Variants in JAK1 observed in about 807,000 individuals in gnomAD.
JAK1 encodes the protein tyrosine-protein kinase JAK1.
In JAK1, 16 loss-of-function variants were observed where a neutral mutation model predicts 136.6. The ratio of observed to expected loss-of-function variants is 0.12; its 90% confidence interval spans 0.08 to 0.18. The LOEUF (loss-of-function observed/expected upper bound fraction) is 0.18, where lower values mean the gene tolerates loss of function less well. JAK1 is among the 10% of genes least tolerant of loss of function. JAK1 has a pLI of 1.00. For synonymous variants in JAK1, 492 were observed against 519.5 expected (o/e 0.95, Z 0.72); for missense variants, 859 against 1,450.1 (o/e 0.59, Z 6.62).
At chr1:65,029,541 T>C (rs1647005493) in intron 2 of JAK1, among the ~76,000 whole-genome samples, 1 of 152,214 alleles carries the variant, frequency 6.6e-6, no homozygotes, top group Non-Finnish European at 1.5e-5. Context: ...CTACTCGCCA[T>C]AGCAAATACT....
chr1:64,886,468 G>A, intron 1 of JAK1, 127 bp from the exon 2 acceptor site: 3 of 516,194 alleles, frequency 5.8e-6, no homozygotes, highest in South Asian at 3.7e-5. Context: ...GAGGAAGAAG[G>A]AAAAAAACAA....
intron 1 of JAK1, among the ~76,000 whole-genome samples, chr1:65,049,778 C>T (rs529053327): frequency 5.7e-4 from 87 of 152,266 alleles, no homozygotes; most frequent in African/African-American, 2.0e-3. Flanking sequence ...AATGTAGTGT[C>T]GCTCCCTGTC....
At chr1:64,838,183 T>C (rs749833534) in intron 21 of JAK1, 79 bp from the exon 22 acceptor site, 19 of 1,378,086 alleles carry the variant, frequency 1.4e-5, no homozygotes, top group Middle Eastern at 1.8e-4. Flanking sequence ...TCAGAAAAAA[T>C]AGAAATGTCA....
In JAK1 at chr1:64,841,511, G is replaced by A. The variant is rs760807400; in HGVS notation, c.2494C>T (p.Pro832Ser). The change falls in exon 18 of 25, where the codon CCC (proline) becomes TCC (serine). Residue 832 changes from proline to serine, a missense_variant. Around this residue, in one of 4 missense-constraint regions of JAK1, gnomAD observed 409 missense variants for 753.8 expected, o/e 0.54. Transcript: ENST00000342505. Reference sequence around the variant, plus strand: ...GCTCGGAAGAAAGGCCTCTGATTGGGGTCATAGTTCATGCAGCGGGTCATG... The same window carrying A: ...GCTCGGAAGAAAGGCCTCTGATTGGAGTCATAGTTCATGCAGCGGGTCATG... The part of the protein sequence containing the change: ...DLMTRCMNYD[P>S]NQRPFFRAIM... The A allele has an allele frequency of 6.8e-6, 11 of 1,614,110 alleles. No homozygotes were observed. In the South Asian group the frequency reaches 9.9e-5, roughly 14 times the overall value.
At chr1:64,952,878 A>C (rs543040974) in intron 1 of JAK1, among the ~76,000 whole-genome samples, 1 of 152,376 alleles carries the variant, frequency 6.6e-6, no homozygotes, top group South Asian at 2.1e-4. Flanking sequence ...TCACAATCCC[A>C]TAAGGTAGGA....
intron 1 of JAK1, among the ~76,000 whole-genome samples, chr1:64,899,206 C>G (rs1645069010): frequency 6.6e-6 from 1 of 152,012 alleles, no homozygotes; most frequent in Non-Finnish European, 1.5e-5. Context: ...ACCTAGGACT[C>G]AAATCTAAGT....
At chr1:65,050,836 G>C (rs1647264326) in intron 1 of JAK1, among the ~76,000 whole-genome samples, 1 of 152,176 alleles carries the variant, frequency 6.6e-6, no homozygotes, top group Non-Finnish European at 1.5e-5. Flanking sequence ...TCAAATGCCT[G>C]CTTCATCACT....
At chr1:64,872,514 C>T (rs78924279) in intron 5 of JAK1, among the ~76,000 whole-genome samples, 1,941 of 152,264 alleles carry the variant, frequency 0.013, 45 homozygotes, top group African/African-American at 0.045. Context: ...TAATTTCTTA[C>T]GTATTATCTA....
At chr1:64,915,717 G>T (rs1233732313) in intron 1 of JAK1, among the ~76,000 whole-genome samples, 4 of 152,166 alleles carry the variant, frequency 2.6e-5, no homozygotes, top group Non-Finnish European at 1.5e-5. Context: ...AAATTTAAGT[G>T]GCTACCATGT....
chr1:64,993,350 TC>T (rs1364767115), intron 2 of JAK1: 1 of 152,298 alleles, frequency 6.6e-6, no homozygotes, highest in Non-Finnish European at 1.5e-5. Context: ...GTATTGATTT[TC>T]CCTGCTGTAG....
rs538521277 is a variant in JAK1 at position 64,994,649 on chromosome 1, C to T, written c.-78+49831G>A. Among the ~76,000 whole-genome samples, 240 of 152,268 alleles carry T rather than the reference C, an allele frequency of 1.6e-3. 2 individuals are homozygous for T. Among genetic ancestry groups the T allele is most frequent in the African/African-American group, 5.5e-3 (229 of 41,556 alleles). ...ATTAGGCTCCATTTCCCAACACTGC[C>T]GCATTCAGGATTACATTTTCAACAC... On this transcript the variant is annotated intron_variant, in intron 2 of 25. Coordinates refer to the JAK1 transcript ENST00000671954.
chr1:64,932,285 T>C (rs1286364873), intron 1 of JAK1, among the ~76,000 whole-genome samples: 3 of 152,140 alleles, frequency 2.0e-5, no homozygotes, highest in Admixed American at 6.5e-5. Context: ...TGGTGGCACA[T>C]GCCTGTAATC....
At chr1:65,015,305 A>G (rs778781090) in intron 2 of JAK1, among the ~76,000 whole-genome samples, 2 of 152,196 alleles carry the variant, frequency 1.3e-5, no homozygotes, top group Non-Finnish European at 2.9e-5. Context: ...AAGCATGCAA[A>G]TTAAGAAGAG....
intron 2 of JAK1, among the ~76,000 whole-genome samples, chr1:64,982,327 G>T (rs1646555718): frequency 2.6e-5 from 4 of 152,132 alleles, no homozygotes; most frequent in Admixed American, 2.6e-4. Context: ...TGATTTGGGA[G>T]GGGCATTAGC....
chr1:64,996,398 T>C (rs963790215), intron 2 of JAK1, among the ~76,000 whole-genome samples: 7 of 152,220 alleles, frequency 4.6e-5, no homozygotes, highest in African/African-American at 1.7e-4. Context: ...GAGCAGAAAC[T>C]ATGTCCTATA....
intron 1 of JAK1, among the ~76,000 whole-genome samples, chr1:64,895,520 A>G (rs1645001547): frequency 6.6e-6 from 1 of 152,238 alleles, no homozygotes; most frequent in Non-Finnish European, 1.5e-5. Context: ...CCCCAGCTGA[A>G]TATGAAACAG....
Position 64,985,028 on chromosome 1 carries a change from C to A in JAK1, c.-78+59452G>T, listed in dbSNP as rs555888107. The A allele has an allele frequency of 3.8e-5, 33 of 859,476 alleles. No individual in the cohort carries two copies. The East Asian group carries it at 7.8e-4, about 20-fold the overall frequency. 53.2% of individuals were successfully genotyped at this position (859,476 alleles called of 1,614,324 possible). On this transcript the variant is annotated intron_variant, in intron 2 of 25. Transcript: ENST00000671954. ...CAAAGCTTATCCCATTACACTCATC[C>A]TTCAATAACAAACAAACAGACATGA...
intron 2 of JAK1, chr1:64,991,190 A>C (rs1015878547): frequency 6.6e-6 from 1 of 152,228 alleles, no homozygotes; most frequent in Non-Finnish European, 1.5e-5. Context: ...GTAGTAGAAT[A>C]ACTGAAATGA....
At chr1:65,003,487 A>C (rs1330078708) in intron 2 of JAK1, 1 of 152,198 alleles carries the variant, frequency 6.6e-6, no homozygotes, top group Non-Finnish European at 1.5e-5. Context: ...CTCTCCAAGA[A>C]TCATAGTGTT....
Sources: gnomAD v4.1 joint callset for allele counts (sites outside exome capture counted in the v4.1 genomes callset) on GRCh38, gnomAD v4.1.1 for gene constraint, gnomAD v4.1.1 regional missense constraint, MANE v1.5 for transcripts, NCBI Gene and HGNC (gene_info 2026-07-23, HGNC 2026-07-21) for gene names.